The following INTS9 variants were observed in gnomAD, a reference collection of about 807,000 sequenced individuals.
The protein encoded by INTS9 is integrator complex subunit 9.
INTS9 carries 55 observed loss-of-function variants against 79.7 expected under a neutral mutation model. That is an observed-to-expected ratio of 0.69 (90% CI 0.56 to 0.86). The LOEUF (loss-of-function observed/expected upper bound fraction) is 0.86, where lower values mean the gene tolerates loss of function less well. INTS9 is among the 40% of genes least tolerant of loss of function. The pLI is 0.00. For synonymous variants in INTS9, 319 were observed against 325.2 expected, an observed-to-expected ratio of 0.98 and a Z score of 0.20; for missense variants, 721 against 831.5, an observed-to-expected ratio of 0.87 and a Z score of 1.64.
At chr8:28,844,252 T>C (rs941874733) in intron 4 of INTS9, among the ~76,000 whole-genome samples, 4 of 152,234 alleles carry the variant, frequency 2.6e-5, no homozygotes, top group African/African-American at 9.6e-5. Flanking sequence ...TTGATAAATT[T>C]TAACTTTTTT....
At chr8:28,778,461 A>C (rs1044658277) in intron 12 of INTS9, among the ~76,000 whole-genome samples, 1 of 152,224 alleles carries the variant, frequency 6.6e-6, no homozygotes, top group Non-Finnish European at 1.5e-5. Context: ...CCGGGAACCT[A>C]GAATCAGCTC....
In INTS9 at chr8:28,768,050, C is replaced by G. The variant is rs1236127821; in HGVS notation, c.*96G>C. ...CTTAAGCCAGAGGACACCACAAAGACACAGTTAATGGCCTCTCATGCCACT... is the reference window on the plus strand; with the variant it reads ...CTTAAGCCAGAGGACACCACAAAGAGACAGTTAATGGCCTCTCATGCCACT... On this transcript the variant is annotated 3_prime_UTR_variant, in exon 17 of 17. Coordinates refer to ENST00000521022, the MANE Select transcript of INTS9 (RefSeq NM_018250.4). The G allele has an allele frequency of 8.8e-7, 1 of 1,132,128 alleles. No individual in the cohort carries two copies. Among genetic ancestry groups the G allele is most frequent in the East Asian group, 2.3e-5 (1 of 42,754 alleles). 70.1% of individuals were successfully genotyped at this position (1,132,128 alleles called of 1,614,324 possible).
rs147438814 is a variant in INTS9, at chr8:28,824,705, T to A, written c.488+10587A>T. Among the ~76,000 whole-genome samples, 271 of 152,226 alleles carry A rather than the reference T, an allele frequency of 1.8e-3. 1 individual carries two copies. The highest frequency in any genetic ancestry group is 6.2e-3 in the African/African-American group (258 of 41,528). On this transcript the variant is annotated intron_variant, in intron 6 of 16. Coordinates refer to ENST00000521022, the MANE Select transcript of INTS9 (RefSeq NM_018250.4). The stretch of plus-strand genomic sequence containing the variant: ...TGCATCTGTTACCTCCACATCCCCA[T>A]AACTCACGACTGCCTGCTTTGAGGA...
chr8:28,865,896 C>A (rs1271542210), intron 1 of INTS9, among the ~76,000 whole-genome samples: 2 of 152,036 alleles, frequency 1.3e-5, no homozygotes, highest in African/African-American at 4.8e-5. Flanking sequence ...CTATTAAATG[C>A]ATGTGGTAAT....
intron 1 of INTS9, among the ~76,000 whole-genome samples, chr8:28,860,209 CA>C: frequency 1.3e-5 from 2 of 152,300 alleles, no homozygotes; most frequent in African/African-American, 4.8e-5. Flanking sequence ...GCACAAGCCA[CA>C]ATGGTGTCTT....
intron 9 of INTS9, 21 bp from the exon 10 acceptor site, chr8:28,794,008 G>C (rs1205908127): frequency 1.3e-6 from 2 of 1,508,554 alleles, no homozygotes; most frequent in Admixed American, 2.1e-5. Flanking sequence ...GGATGCCAGA[G>C]GAGAAAAAAC....
Position 28,771,005 on chromosome 8 carries a change from T to C in INTS9, c.1639A>G (p.Lys547Glu), listed in dbSNP as rs1411343979. 6.2e-7 allele frequency: 1 copy of C among 1,613,548 alleles called. No individual in the cohort carries two copies. The highest frequency in any genetic ancestry group is 1.7e-5 in the Admixed American group (1 of 60,002). The change falls in exon 15 of 17, where the codon AAA (lysine) becomes GAA (glutamate). Residue 547 changes from lysine (K) to glutamate (E), a missense_variant. By Grantham distance (56) the Lys-to-Glu change is moderately conservative. Transcript: ENST00000521022. ...ACCTGAAGCAAGTGCTTGTTATCTT[T>C]GGTGTGCAGCACGGCCGAGACAGTT... ...LATVSAVLHT[K>E]DNKHLLQPPP...
chr8:28,879,795 G>C (rs994216703), intron 1 of INTS9, among the ~76,000 whole-genome samples: 2 of 152,146 alleles, frequency 1.3e-5, no homozygotes, highest in African/African-American at 4.8e-5. Context: ...TACACCAAAT[G>C]AAAGAAGATG....
At chr8:28,807,771 G>A (rs1237847030) in intron 8 of INTS9, among the ~76,000 whole-genome samples, 4 of 152,158 alleles carry the variant, frequency 2.6e-5, no homozygotes, top group Admixed American at 6.5e-5. Flanking sequence ...GATGTTTAAC[G>A]AAGAAACTAC....
At chr8:28,846,894 T>C (rs1807550062) in intron 3 of INTS9, 85 bp from the exon 4 acceptor site, 4 of 1,033,656 alleles carry the variant, frequency 3.9e-6, no homozygotes, top group Non-Finnish European at 6.1e-6. Context: ...AACAAAACTT[T>C]TCATGAAGAA....
chr8:28,776,027 T>C, intron 13 of INTS9, 101 bp from the exon 14 acceptor site: 1 of 934,430 alleles, frequency 1.1e-6, no homozygotes, highest in Non-Finnish European at 1.5e-6. Flanking sequence ...CATTACAGGC[T>C]CACCACTTCC....
In INTS9 at chr8:28,777,441, G is replaced by A. The variant is rs142160220; in HGVS notation, c.1395+388C>T. On this transcript the variant is annotated intron_variant, in intron 13 of 16. Transcript: ENST00000521022. ...AAAAACTGCCACAAAACCCAAACCC[G>A]ACAGCACTGTTTGTGGTACCAGCCT... Among the ~76,000 whole-genome samples the A allele has an allele frequency of 8.9e-4, 135 of 152,086 alleles. 1 individual carries two copies. Among genetic ancestry groups the A allele is most frequent in the African/African-American group, 3.0e-3 (125 of 41,494 alleles).
At chr8:28,846,291 A>G (rs1807509825) in intron 4 of INTS9, among the ~76,000 whole-genome samples, 1 of 152,232 alleles carries the variant, frequency 6.6e-6, no homozygotes, top group Admixed American at 6.5e-5. Flanking sequence ...ATTGTCTTCT[A>G]TGACTCAGTT....
At position 28,850,279 on chromosome 8, in the gene INTS9, A is replaced by G. The variant is rs1348908499; in HGVS notation, c.138-6T>C. 2 of 1,610,624 alleles carry G rather than the reference A, an allele frequency of 1.2e-6. No individual in the cohort carries two copies. Among genetic ancestry groups the G allele is most frequent in the South Asian group, 2.2e-5 (2 of 90,870 alleles). ...GAAGATTGGACAGCCTGGGACTGCA[A>G]AACAAAAGATTAAGATTAAATTAAC... On this transcript the variant is annotated splice_region_variant and splice_polypyrimidine_tract_variant and intron_variant, in intron 2 of 16. Transcript: ENST00000521022.
At chr8:28,777,545 T>C (rs1381680398) in intron 13 of INTS9, among the ~76,000 whole-genome samples, 5 of 151,932 alleles carry the variant, frequency 3.3e-5, no homozygotes, top group African/African-American at 7.3e-5. Flanking sequence ...AATGACTTTT[T>C]TTTTTTTTGG....
intron 3 of INTS9, among the ~76,000 whole-genome samples, chr8:28,847,069 T>A (rs1563293951): frequency 6.6e-6 from 1 of 152,200 alleles, no homozygotes; most frequent in South Asian, 2.1e-4. Flanking sequence ...AAGCCATGCA[T>A]GGGTATGTGC....
intron 10 of INTS9, among the ~76,000 whole-genome samples, chr8:28,789,363 C>T (rs1803793682): frequency 6.6e-6 from 1 of 152,178 alleles, no homozygotes; most frequent in Non-Finnish European, 1.5e-5. Context: ...CTCATGCAGG[C>T]ACAGCAGACA....
At chr8:28,813,714 A>G (rs1321798803) in intron 6 of INTS9, 102 bp from the exon 7 acceptor site, 1 of 1,272,018 alleles carries the variant, frequency 7.9e-7, no homozygotes. Flanking sequence ...GGTTTAATTT[A>G]CTGGCATATA....
chr8:28,884,725 A>T (rs945875323), intron 1 of INTS9, among the ~76,000 whole-genome samples: 54 of 152,344 alleles, frequency 3.5e-4, no homozygotes, highest in African/African-American at 1.3e-3. Flanking sequence ...ATTACATCCT[A>T]AAGACACAGG....
Sources: gnomAD v4.1 joint callset for allele counts (sites outside exome capture counted in the v4.1 genomes callset) on GRCh38, gnomAD v4.1.1 for gene constraint, MANE v1.5 for transcripts, NCBI Gene and HGNC (gene_info 2026-07-23, HGNC 2026-07-21) for gene names.